Variants in CFAP77 observed in about 807,000 individuals in gnomAD.
CFAP77 encodes the protein cilia and flagella associated protein 77.
Under a neutral mutation model 31.1 loss-of-function variants are expected in CFAP77, and 25 were observed. The ratio of observed to expected loss-of-function variants is 0.80; its 90% CI spans 0.59 to 1.12. The LOEUF is 1.12. Ranked by LOEUF, CFAP77 falls within the 50% of genes most tolerant of loss-of-function variation. The pLI is 0.00. For synonymous variants in CFAP77, 151 were observed against 159.9 expected (o/e 0.94, Z 0.42); for missense variants, 377 against 397.3 (o/e 0.95, Z 0.44).
At chr9:132,449,894 GTTTT>G (rs59697546) in intron 1 of CFAP77, among the ~76,000 whole-genome samples, 41,238 of 149,784 alleles carry the variant, frequency 0.28, 5,656 homozygotes, top group Admixed American at 0.36. Context: ...ATGATTAAGA[GTTTT>G]TTTGTTTGTT....
intron 3 of CFAP77, among the ~76,000 whole-genome samples, chr9:132,526,264 C>T (rs977779671): frequency 2.0e-5 from 3 of 151,720 alleles, no homozygotes; most frequent in African/African-American, 7.3e-5. Context: ...GAGTCTCACT[C>T]TGTTGCCCAG....
intron 3 of CFAP77, among the ~76,000 whole-genome samples, chr9:132,504,561 G>A (rs1181040502): frequency 1.3e-5 from 2 of 152,232 alleles, no homozygotes; most frequent in East Asian, 1.9e-4. Context: ...GCTGCATTAG[G>A]TTGCTGTTAG....
In CFAP77 at chr9:132,498,713, C is replaced by A; in HGVS notation, c.214C>A (p.Arg72=). 1 of 1,611,886 alleles carries A rather than the reference C, an allele frequency of 6.2e-7. No individual in the cohort carries two copies. ...CCGACAGGCTGAACTCGGCAAGCCC[C>A]GGGAAAGAAGCTACAGTCTGCCCGG... The part of the protein sequence containing the change: ...LIVKAELGKP[R]ERSYSLPGIN... Residue 72 remains arginine (R), a synonymous_variant, in exon 2 of 6, where the codon CGG becomes AGG. Coordinates refer to ENST00000393216, the MANE Select transcript of CFAP77 (RefSeq NM_001282957.2). The surrounding 1 kb of genome is among the most constrained non-coding windows in gnomAD (Gnocchi z 4.2).
rs1851443342 is a variant in CFAP77 at position 132,481,308 on chromosome 9, G to A, written c.196-17387G>A. Among the ~76,000 whole-genome samples, 1 of 152,110 alleles carries A rather than the reference G, an allele frequency of 6.6e-6. No individual in the cohort carries two copies. The highest frequency in any genetic ancestry group is 1.5e-5 in the Non-Finnish European group (1 of 68,012). ...ATGGTGGCCCCTCACTGTCACCTCT[G>A]GACAGTCTCACAGACATCCCTCCTT... On this transcript the variant is annotated intron_variant, in intron 1 of 5. Transcript: ENST00000393216. This position sits in a 1 kb window ranked among gnomAD's most constrained non-coding sequence, Gnocchi z 5.0.
In CFAP77 at chr9:132,410,327, A is replaced by C. The variant is rs1564194408; in HGVS notation, c.56A>C (p.Gln19Pro). The C allele has an allele frequency of 6.3e-7, 1 of 1,598,178 alleles. No homozygotes were observed. Among genetic ancestry groups the C allele is most frequent in the Non-Finnish European group, 8.5e-7 (1 of 1,173,684 alleles). ...CTCACGCGATGGAGGAAGCAGCAGC[A>C]GCCTGTGCGCCGCACGGTCAGCCAG... is the stretch of plus-strand genomic sequence containing the variant. The part of the protein sequence containing the change: ...PDLTRWRKQQ[Q>P]PVRRTVSQVC... The change falls in exon 1 of 6, where the codon CAG (glutamine) becomes CCG (proline). Residue 19 changes from glutamine to proline, a missense_variant. Physicochemically the swap from Gln to Pro is moderately conservative, Grantham distance 76. Coordinates refer to ENST00000393216, the MANE Select transcript of CFAP77 (RefSeq NM_001282957.2).
intron 3 of CFAP77, among the ~76,000 whole-genome samples, chr9:132,500,132 A>G (rs888948238): frequency 6.6e-6 from 1 of 151,116 alleles, no homozygotes; most frequent in African/African-American, 2.4e-5. Flanking sequence ...AGCCTGGGCA[A>G]CAGAGTGAGA....
chr9:132,469,808 C>A (rs951140226), intron 1 of CFAP77, among the ~76,000 whole-genome samples: 2 of 151,618 alleles, frequency 1.3e-5, no homozygotes, highest in Admixed American at 1.3e-4. Flanking sequence ...CATCTGCAGG[C>A]CTTATTCAGA....
chr9:132,561,662 C>CACACACA (rs1564253362), intron 5 of CFAP77, among the ~76,000 whole-genome samples: 1 of 50,144 alleles, frequency 2.0e-5, no homozygotes, highest in Non-Finnish European at 4.0e-5. Context: ...CACACACACA[C>CACACACA]CCCCTCCATG....
chr9:132,432,155 C>T (rs1034196261), intron 1 of CFAP77, among the ~76,000 whole-genome samples: 4 of 152,146 alleles, frequency 2.6e-5, no homozygotes, highest in Non-Finnish European at 5.9e-5. Flanking sequence ...GGAACACAGA[C>T]CTTGGCCCAG....
intron 5 of CFAP77, among the ~76,000 whole-genome samples, chr9:132,555,106 G>A (rs914278725): frequency 2.0e-5 from 3 of 152,128 alleles, no homozygotes; most frequent in East Asian, 1.9e-4. Context: ...TCCTGTCTGC[G>A]GACATTTCCC....
Position 132,516,930 on chromosome 9 carries a change from G to A in CFAP77, c.524+17330G>A, listed in dbSNP as rs190495550. ...AAGTGCTCAGTAAACAGCCATGGAA[G>A]TCACTTGACAGTCGGACAGCCACGT... On this transcript the variant is annotated intron_variant, in intron 3 of 5. Coordinates refer to ENST00000393216, the MANE Select transcript of CFAP77 (RefSeq NM_001282957.2). Among the ~76,000 whole-genome samples, 33 of 152,330 alleles carry A rather than the reference G, an allele frequency of 2.2e-4. No individual in the cohort carries two copies. In the East Asian group the frequency reaches 5.6e-3, roughly 26 times the overall value.
intron 1 of CFAP77, among the ~76,000 whole-genome samples, chr9:132,425,544 G>A (rs1208084206): frequency 2.6e-5 from 4 of 152,152 alleles, no homozygotes; most frequent in Non-Finnish European, 5.9e-5. Context: ...TGCCTTTGGG[G>A]ACGTGAAGGT....
chr9:132,459,070 C>CT (rs1564211410), intron 1 of CFAP77, among the ~76,000 whole-genome samples: 5 of 141,804 alleles, frequency 3.5e-5, no homozygotes, highest in East Asian at 2.2e-4. Context: ...AGCCCTGAAA[C>CT]TATTTTTTTT....
rs1475638903 is a variant in CFAP77, at chr9:132,410,346, C to T, written c.75C>T (p.Val25=). ...AGCAGCAGCCTGTGCGCCGCACGGTCAGCCAGGTCTGCCCGCCCCCGCGGC... is the reference window on the plus strand; with the variant it reads ...AGCAGCAGCCTGTGCGCCGCACGGTTAGCCAGGTCTGCCCGCCCCCGCGGC... ...RKQQQPVRRT[V]SQVCPPPRRP... is the part of the protein sequence containing the mutation. The change falls in exon 1 of 6, where the codon GTC becomes GTT. Residue 25 remains valine, a synonymous_variant. Coordinates refer to ENST00000393216, the MANE Select transcript of CFAP77 (RefSeq NM_001282957.2). The T allele has an allele frequency of 6.3e-7, 1 of 1,598,202 alleles. No homozygotes were observed. Among genetic ancestry groups the T allele is most frequent in the African/African-American group, 1.4e-5 (1 of 73,198 alleles).
chr9:132,434,354 G>A (rs1307697566), intron 1 of CFAP77, among the ~76,000 whole-genome samples: 2 of 151,990 alleles, frequency 1.3e-5, no homozygotes, highest in African/African-American at 4.8e-5. Context: ...CAGGAACCAG[G>A]TCTTTTTAAA....
At chr9:132,434,101 TG>T (rs1850463627) in intron 1 of CFAP77, among the ~76,000 whole-genome samples, 2 of 151,774 alleles carry the variant, frequency 1.3e-5, no homozygotes, top group Non-Finnish European at 2.9e-5. Flanking sequence ...ATTACACCAC[TG>T]CACTCCAGCC....
chr9:132,521,916 C>T (rs1401042605), intron 3 of CFAP77, among the ~76,000 whole-genome samples: 2 of 152,012 alleles, frequency 1.3e-5, no homozygotes, highest in African/African-American at 4.8e-5. Context: ...TGCACGCCAC[C>T]ATGCCGAACT....
In CFAP77 at chr9:132,455,003, C is replaced by G. The variant is rs1850888365; in HGVS notation, c.196-43692C>G. ...GTGAGGACATCACAAAATGTCATAA[C>G]ATCCTACAAAAAAAAAGAAAGAAAA... On this transcript the variant is annotated intron_variant, in intron 1 of 5. Transcript: ENST00000393216. The surrounding 1 kb of genome is among the most constrained non-coding windows in gnomAD (Gnocchi z 4.1). Among the ~76,000 whole-genome samples, 1 of 136,878 alleles carries G rather than the reference C, an allele frequency of 7.3e-6. No individual in the cohort carries two copies. The highest frequency in any genetic ancestry group is 1.6e-5 in the Non-Finnish European group (1 of 62,040). The allele number at this position is 136,878 out of a possible 152,430, so 89.8% of individuals were successfully genotyped here.
At chr9:132,562,097 G>A (rs962048204) in intron 5 of CFAP77, among the ~76,000 whole-genome samples, 4 of 152,154 alleles carry the variant, frequency 2.6e-5, no homozygotes, top group African/African-American at 9.7e-5. Context: ...CACCACTGGC[G>A]GCTACGGTTC....
Sources: allele counts gnomAD v4.1 joint callset (sites outside exome capture counted in the v4.1 genomes callset), GRCh38; gene constraint gnomAD v4.1.1; non-coding constraint Gnocchi (gnomAD v3.1); transcripts MANE v1.5; gene names NCBI Gene and HGNC (gene_info 2026-07-23, HGNC 2026-07-21).